LHFPL6: variants seen among roughly 807,000 people sequenced by gnomAD.
LHFPL6 encodes the protein LHFPL tetraspan subfamily member 6 protein.
LHFPL6 carries 9 observed loss-of-function variants against 20.6 expected under a neutral mutation model. The ratio of observed to expected loss-of-function variants is 0.44; its 90% confidence interval spans 0.26 to 0.76. The LOEUF is 0.76. LHFPL6 is among the 30% of genes least tolerant of loss of function. The pLI is 0.20. For missense variants in LHFPL6, 218 were observed against 253.5 expected, an observed-to-expected ratio of 0.86 and a Z score of 0.95; for synonymous variants, 105 against 98.7, an observed-to-expected ratio of 1.06 and a Z score of -0.38.
At chr13:39,525,567 G>T (rs1034428490) in intron 2 of LHFPL6, among the ~76,000 whole-genome samples, 1 of 152,184 alleles carries the variant, frequency 6.6e-6, no homozygotes, top group East Asian at 1.9e-4. Context: ...ATAGCATGAG[G>T]CCACTGGAAA....
intron 2 of LHFPL6, among the ~76,000 whole-genome samples, chr13:39,509,007 C>T (rs533619699): frequency 6.6e-6 from 1 of 152,030 alleles, no homozygotes; most frequent in Non-Finnish European, 1.5e-5. Flanking sequence ...ATTTATGCTT[C>T]GTATGGTTAG....
chr13:39,374,160 T>C (rs909134583), intron 3 of LHFPL6, among the ~76,000 whole-genome samples: 3 of 151,956 alleles, frequency 2.0e-5, no homozygotes, highest in Non-Finnish European at 4.4e-5. Flanking sequence ...ATAAAGAAAA[T>C]GTAGTATTCC....
At chr13:39,389,459 G>C in intron 2 of LHFPL6, among the ~76,000 whole-genome samples, 1 of 152,178 alleles carries the variant, frequency 6.6e-6, no homozygotes, top group Middle Eastern at 3.2e-3. Context: ...CCTGAAATAG[G>C]AGCCTGCTGT....
At chr13:39,598,570 T>C (rs1872836421) in intron 2 of LHFPL6, among the ~76,000 whole-genome samples, 1 of 152,134 alleles carries the variant, frequency 6.6e-6, no homozygotes, top group African/African-American at 2.4e-5. Context: ...TATTTATTTA[T>C]TTTGAGACAG....
chr13:39,405,577 C>T (rs1311798270), intron 2 of LHFPL6, among the ~76,000 whole-genome samples: 1 of 152,218 alleles, frequency 6.6e-6, no homozygotes, highest in Non-Finnish European at 1.5e-5. Flanking sequence ...TCTCCACAAA[C>T]TACCATTCCT....
At chr13:39,444,400 T>A (rs544357782) in intron 2 of LHFPL6, among the ~76,000 whole-genome samples, 1 of 152,172 alleles carries the variant, frequency 6.6e-6, no homozygotes, top group Non-Finnish European at 1.5e-5. Flanking sequence ...GAGATTCATA[T>A]GGATAGAAGG....
At chr13:39,541,818 A>G (rs1870808863) in intron 2 of LHFPL6, among the ~76,000 whole-genome samples, 1 of 151,130 alleles carries the variant, frequency 6.6e-6, no homozygotes, top group African/African-American at 2.4e-5. Context: ...GGCTGGGTGC[A>G]GTGGCTCACG....
At chr13:39,562,499 T>TATACATATATACAC (rs1871543178) in intron 2 of LHFPL6, among the ~76,000 whole-genome samples, 4 of 84,650 alleles carry the variant, frequency 4.7e-5, no homozygotes, top group South Asian at 4.0e-4. Context: ...CACATATACA[T>TATACATATATACAC]ATATACATAT....
intron 2 of LHFPL6, among the ~76,000 whole-genome samples, chr13:39,591,359 GT>G (rs1566149548): frequency 6.6e-6 from 1 of 152,140 alleles, no homozygotes; most frequent in Non-Finnish European, 1.5e-5. Flanking sequence ...CCTCATCTAA[GT>G]ATAGCATGGA....
intron 2 of LHFPL6, among the ~76,000 whole-genome samples, chr13:39,566,146 T>G (rs1488072786): frequency 6.6e-6 from 1 of 152,054 alleles, no homozygotes; most frequent in African/African-American, 2.4e-5. Context: ...TTTATCCTGT[T>G]GGAACAAAAA....
intron 2 of LHFPL6, among the ~76,000 whole-genome samples, chr13:39,517,612 G>C (rs1262411887): frequency 1.3e-5 from 2 of 152,122 alleles, no homozygotes; most frequent in Non-Finnish European, 2.9e-5. Context: ...AGTTGTCCTT[G>C]TTCTCTCCAC....
At chr13:39,560,866 T>A (rs1223029118) in intron 2 of LHFPL6, among the ~76,000 whole-genome samples, 1 of 152,062 alleles carries the variant, frequency 6.6e-6, no homozygotes, top group African/African-American at 2.4e-5. Flanking sequence ...TTCAAAGCAG[T>A]TTGTCATGTC....
chr13:39,470,732 G>A (rs2138436348), intron 2 of LHFPL6, among the ~76,000 whole-genome samples: 1 of 152,166 alleles, frequency 6.6e-6, no homozygotes, highest in African/African-American at 2.4e-5. Flanking sequence ...ACAAATTTCT[G>A]AATTTGGAAG....
At chr13:39,406,003 T>A (rs1255207614) in intron 2 of LHFPL6, among the ~76,000 whole-genome samples, 1 of 152,198 alleles carries the variant, frequency 6.6e-6, no homozygotes, top group Admixed American at 6.5e-5. Flanking sequence ...TGGGTGTGAC[T>A]GACATTAATT....
intron 2 of LHFPL6, among the ~76,000 whole-genome samples, chr13:39,418,194 C>G (rs1000529747): frequency 2.6e-5 from 4 of 152,082 alleles, no homozygotes; most frequent in Admixed American, 2.6e-4. Flanking sequence ...CTTATGAATA[C>G]TGTAGTATGC....
chr13:39,540,192 C>G (rs941118818), intron 2 of LHFPL6, among the ~76,000 whole-genome samples: 1 of 151,878 alleles, frequency 6.6e-6, no homozygotes, highest in African/African-American at 2.4e-5. Context: ...GAATATAAAG[C>G]TATATAAAGA....
chr13:39,398,490 A>G (rs1566102303), intron 2 of LHFPL6, among the ~76,000 whole-genome samples: 1 of 152,242 alleles, frequency 6.6e-6, no homozygotes, highest in South Asian at 2.1e-4. Flanking sequence ...AGGGCAGAGC[A>G]ATGGTAAGCT....
Position 39,391,790 on chromosome 13 carries a change from C to T in LHFPL6, c.386-13264G>A, listed in dbSNP as rs140086530. Among the ~76,000 whole-genome samples, 25 of 152,172 alleles carry T rather than the reference C, an allele frequency of 1.6e-4. No individual in the cohort carries two copies. In the East Asian group the frequency reaches 2.9e-3, roughly 18 times the overall value. On this transcript the variant is annotated intron_variant, in intron 2 of 3. Transcript: ENST00000379589. ...AAACAATTCTTTAAAAATATTTTCC[C>T]CTTCATCCTTTTTCTGGGACATCAG... is the stretch of plus-strand genomic sequence containing the variant.
chr13:39,352,931 ATATATGTGTG>A (rs1180557984), intron 3 of LHFPL6, among the ~76,000 whole-genome samples: 4 of 58,306 alleles, frequency 6.9e-5, no homozygotes, highest in African/African-American at 1.2e-4. Flanking sequence ...ATAAATGTAT[ATATATGTGTG>A]TATATATATA....
Sources: allele counts gnomAD v4.1 joint callset (sites outside exome capture counted in the v4.1 genomes callset), GRCh38; gene constraint gnomAD v4.1.1; transcripts MANE v1.5; gene names NCBI Gene and HGNC (gene_info 2026-07-23, HGNC 2026-07-21).